ARHGEF3: variants seen among roughly 807,000 people sequenced by gnomAD.
The protein encoded by ARHGEF3 is 59.8 kDA protein.
ARHGEF3 carries 28 observed loss-of-function variants against 63.2 expected under a neutral mutation model. The observed-to-expected ratio is 0.44, with a 90% CI of 0.33 to 0.61. ARHGEF3 has a LOEUF of 0.61. ARHGEF3 is among the 20% of genes least tolerant of loss of function. The pLI is 0.03. For synonymous variants in ARHGEF3, 266 were observed against 254.2 expected (o/e 1.05, Z -0.44); for missense variants, 533 against 659.3 (o/e 0.81, Z 2.10).
chr3:56,756,545 CTTTTTTTT>C (rs35251607), intron 2 of ARHGEF3, among the ~76,000 whole-genome samples: 22 of 100,058 alleles, frequency 2.2e-4, no homozygotes, highest in African/African-American at 7.6e-4. Flanking sequence ...TCATAGCTGG[CTTTTTTTT>C]TTTTTTTTTT....
chr3:56,930,161 A>AT (rs1249128719), intron 3 of ARHGEF3, among the ~76,000 whole-genome samples: 5 of 151,492 alleles, frequency 3.3e-5, no homozygotes, highest in East Asian at 3.9e-4. Flanking sequence ...AATCCAAAGC[A>AT]TTTTTTTTAA....
At chr3:57,062,085 G>C (rs1431234236) in intron 1 of ARHGEF3, among the ~76,000 whole-genome samples, 1 of 152,120 alleles carries the variant, frequency 6.6e-6, no homozygotes, top group African/African-American at 2.4e-5. Context: ...GATTGGATCT[G>C]TCTAGACTCA....
At chr3:56,741,888 AC>A (rs1320796856) in intron 7 of ARHGEF3, among the ~76,000 whole-genome samples, 1 of 152,204 alleles carries the variant, frequency 6.6e-6, no homozygotes, top group African/African-American at 2.4e-5. Flanking sequence ...TAGCCAGTCA[AC>A]AGTCACAGTA....
chr3:56,886,681 T>C (rs1353214932), intron 3 of ARHGEF3, among the ~76,000 whole-genome samples: 1 of 152,178 alleles, frequency 6.6e-6, no homozygotes, highest in Admixed American at 6.5e-5. Flanking sequence ...CTTTAGCCTA[T>C]TGAACGCTCA....
At chr3:56,971,737 C>T (rs1700920731) in intron 2 of ARHGEF3, among the ~76,000 whole-genome samples, 2 of 151,872 alleles carry the variant, frequency 1.3e-5, no homozygotes, top group Admixed American at 1.3e-4. Flanking sequence ...AACTGTAGTC[C>T]CAGCTACTCG....
At chr3:56,958,995 G>T in intron 2 of ARHGEF3, 2 of 1,221,186 alleles carry the variant, frequency 1.6e-6, no homozygotes, top group Non-Finnish European at 2.3e-6. Context: ...CTCAAGAAAT[G>T]GCCCAAACAA....
chr3:56,801,566 G>A (rs2037649962), intron 1 of ARHGEF3, 137 bp downstream of exon 1: 1 of 1,174,438 alleles, frequency 8.5e-7, no homozygotes, highest in Middle Eastern at 2.9e-4. Flanking sequence ...GAGATGTAGA[G>A]AGAGAAAGTG....
chr3:56,961,878 G>C (rs11708361), intron 2 of ARHGEF3, among the ~76,000 whole-genome samples: 1 of 151,942 alleles, frequency 6.6e-6, no homozygotes, highest in East Asian at 1.9e-4. Context: ...CACCATCTCC[G>C]CTAAAAATAA....
chr3:56,786,032 G>GT (rs2036790411), intron 1 of ARHGEF3, among the ~76,000 whole-genome samples: 2 of 152,160 alleles, frequency 1.3e-5, no homozygotes, highest in Admixed American at 1.3e-4. Flanking sequence ...ACTCCCAGCT[G>GT]TCCCTTCTAG....
chr3:57,049,301 C>T (rs181254461), intron 1 of ARHGEF3, among the ~76,000 whole-genome samples: 2 of 152,150 alleles, frequency 1.3e-5, no homozygotes, highest in Admixed American at 1.3e-4. Flanking sequence ...CCCAGGAGTC[C>T]GAGGTTGCCG....
intron 4 of ARHGEF3, among the ~76,000 whole-genome samples, chr3:56,855,383 T>G (rs1428921364): frequency 6.6e-6 from 1 of 152,120 alleles, no homozygotes; most frequent in Non-Finnish European, 1.5e-5. Flanking sequence ...CCTTTACTGA[T>G]GCAAAAACAA....
At chr3:56,808,230 C>G (rs1316565862) in intron 4 of ARHGEF3, among the ~76,000 whole-genome samples, 1 of 151,894 alleles carries the variant, frequency 6.6e-6, no homozygotes, top group African/African-American at 2.4e-5. Context: ...AGGAGAGTAT[C>G]TCTCTCTCCC....
intron 2 of ARHGEF3, among the ~76,000 whole-genome samples, chr3:57,012,931 C>T (rs940467776): frequency 6.6e-6 from 1 of 152,210 alleles, no homozygotes; most frequent in Non-Finnish European, 1.5e-5. Context: ...CGCAGGCCAG[C>T]GTGAATTCCG....
chr3:56,736,918 C>A (rs1365869457), intron 8 of ARHGEF3, among the ~76,000 whole-genome samples: 2 of 152,042 alleles, frequency 1.3e-5, no homozygotes, highest in Non-Finnish European at 2.9e-5. Context: ...CGTGGTGAAA[C>A]CCTGTCTCTA....
chr3:56,800,289 G>A (rs764440771), intron 1 of ARHGEF3, among the ~76,000 whole-genome samples: 2 of 152,130 alleles, frequency 1.3e-5, no homozygotes, highest in Non-Finnish European at 2.9e-5. Flanking sequence ...CACCAATTGC[G>A]CTGCTCCTAT....
intron 3 of ARHGEF3, among the ~76,000 whole-genome samples, chr3:56,945,967 C>G (rs998835868): frequency 2.6e-5 from 4 of 152,172 alleles, no homozygotes; most frequent in Non-Finnish European, 4.4e-5. Flanking sequence ...ATTTGCTGTT[C>G]ACCAATATCT....
chr3:57,029,407 C>A (rs928963229), intron 2 of ARHGEF3, among the ~76,000 whole-genome samples: 1 of 150,102 alleles, frequency 6.7e-6, no homozygotes, highest in Admixed American at 6.6e-5. Flanking sequence ...CCAGCTTGGA[C>A]AACAAGAGCG....
chr3:56,990,000 G>C (rs1701688153), intron 2 of ARHGEF3, among the ~76,000 whole-genome samples: 1 of 152,148 alleles, frequency 6.6e-6, no homozygotes, highest in African/African-American at 2.4e-5. Context: ...CCGAATCAAG[G>C]GCAAGAATTA....
chr3:56,920,323 T>A (rs2042093303), intron 3 of ARHGEF3, among the ~76,000 whole-genome samples: 1 of 152,154 alleles, frequency 6.6e-6, no homozygotes, highest in Non-Finnish European at 1.5e-5. Flanking sequence ...TCTAAAGAGA[T>A]TAGCACCAAA....
Sources: allele counts gnomAD v4.1 joint callset (sites outside exome capture counted in the v4.1 genomes callset), GRCh38; gene constraint gnomAD v4.1.1; transcripts MANE v1.5; gene names NCBI Gene and HGNC (gene_info 2026-07-23, HGNC 2026-07-21).